The following PCM1 variants were observed in gnomAD, a reference collection of about 807,000 sequenced individuals.
PCM1 encodes pericentriolar material 1 protein.
A neutral mutation model predicts 241.9 loss-of-function variants in PCM1; 157 were observed. That is an observed-to-expected ratio of 0.65 (90% CI 0.57 to 0.74). The LOEUF (loss-of-function observed/expected upper bound fraction) is 0.74, where lower values mean the gene tolerates loss of function less well. Among genes scored for constraint, PCM1 ranks in the 30% least tolerant of loss-of-function variants. PCM1 has a pLI of 0.00. For missense variants in PCM1, 3,478 were observed against 2,360.1 expected, an observed-to-expected ratio of 1.47 and a Z score of -9.81; for synonymous variants, 1,085 against 784.9, an observed-to-expected ratio of 1.38 and a Z score of -6.39.
At chr8:17,972,724 A>T in intron 23 of PCM1, 37 bp downstream of exon 23, 1 of 1,302,720 alleles carries the variant, frequency 7.7e-7, no homozygotes, top group Non-Finnish European at 1.0e-6. Flanking sequence ...GATCAGTGTA[A>T]ATTTTGGTAA....
At chr8:17,931,801 A>C (rs183865111) in intron 2 of PCM1, among the ~76,000 whole-genome samples, 1 of 152,294 alleles carries the variant, frequency 6.6e-6, no homozygotes, top group East Asian at 1.9e-4. Flanking sequence ...CAGTAGTTGC[A>C]AAATGTTTTA....
At chr8:18,025,260 C>A in intron 36 of PCM1, 101 bp from the exon 37 acceptor site, 4 of 553,558 alleles carry the variant, frequency 7.2e-6, no homozygotes, top group Non-Finnish European at 1.3e-5. Context: ...TAGAAGAAAA[C>A]GAAATGTGAT....
chr8:18,009,645 T>C lies in PCM1; in HGVS notation c.5061T>C (p.Phe1687=). 1 of 1,588,214 alleles carries C rather than the reference T, an allele frequency of 6.3e-7. No homozygotes were observed. The highest frequency in any genetic ancestry group is 8.6e-7 in the Non-Finnish European group (1 of 1,167,454). The change falls in exon 31 of 39, where the codon TTT becomes TTC. Residue 1687 remains phenylalanine, a synonymous_variant. Coordinates refer to ENST00000325083, the MANE Select transcript of PCM1 (RefSeq NM_006197.4). ...SEVLFNELAF[F]KLMQDLDNNS... The stretch of plus-strand genomic sequence containing the variant: ...TGTTGTTCAATGAATTGGCTTTCTT[T>C]AAGCTTATGCAAGATTTGGATAATA...
intron 9 of PCM1, among the ~76,000 whole-genome samples, chr8:17,953,607 CTA>C (rs971048354): frequency 5.3e-5 from 8 of 152,028 alleles, no homozygotes; most frequent in Non-Finnish European, 1.2e-4. Context: ...AAAAACAAAA[CTA>C]TGAAAAACTT....
Position 17,960,119 on chromosome 8 carries a change from A to C in PCM1, c.2146A>C (p.Asn716His). The change falls in exon 14 of 39, where the codon AAT (asparagine) becomes CAT (histidine). Residue 716 changes from asparagine to histidine, a missense_variant. Transcript: ENST00000325083. ...TKQNSNNTRG[N>H]ANKTQKDTGV... ...GCAAAATTCAAATAACACTAGAGGA[A>C]ATGCCAATAAAACACAGAAAGATAC... 1 of 1,597,414 alleles carries C rather than the reference A, an allele frequency of 6.3e-7. No homozygotes were observed. Among genetic ancestry groups the C allele is most frequent in the East Asian group, 2.2e-5 (1 of 44,524 alleles).
chr8:17,959,456 A>G lies in PCM1; in HGVS notation c.2041-558A>G, dbSNP rs1241054597. Among the ~76,000 whole-genome samples, 5 of 152,132 alleles carry G rather than the reference A, an allele frequency of 3.3e-5. No homozygotes were observed. In the East Asian group the frequency reaches 7.7e-4, roughly 23 times the overall value. On this transcript the variant is annotated intron_variant, in intron 13 of 38. Coordinates refer to ENST00000325083, the MANE Select transcript of PCM1 (RefSeq NM_006197.4). Reference sequence around the variant, plus strand: ...TTCAATCTTTCGCTATTTAGAAACAATGCACCAAAGAATATACTTGCACAA... The same window carrying G: ...TTCAATCTTTCGCTATTTAGAAACAGTGCACCAAAGAATATACTTGCACAA...
chr8:17,941,634 CTATT>C (rs1279320601), intron 6 of PCM1, among the ~76,000 whole-genome samples: 1 of 151,714 alleles, frequency 6.6e-6, no homozygotes, highest in African/African-American at 2.4e-5. Context: ...ATATGCTACA[CTATT>C]TAATAAAGGA....
intron 16 of PCM1, among the ~76,000 whole-genome samples, chr8:17,962,745 CA>C (rs1458740808): frequency 1.3e-5 from 2 of 151,248 alleles, no homozygotes; most frequent in Admixed American, 1.3e-4. Flanking sequence ...CTAAAAAATA[CA>C]AAAAAAATTA....
chr8:17,937,005 G>A (rs1163028794), intron 3 of PCM1, 129 bp from the exon 4 acceptor site: 6 of 642,284 alleles, frequency 9.3e-6, no homozygotes, highest in Non-Finnish European at 1.6e-5. Context: ...TTTGTCTCTA[G>A]GAGTATAAGT....
Position 17,985,604 on chromosome 8 carries a change from T to C in PCM1, c.4266T>C (p.Ala1422=). Reference sequence around the variant, plus strand: ...ACACAGACTACTTGAGACAGAGGGCTTTATATGCATTGCAGGTATCTGGTA... The same window carrying C: ...ACACAGACTACTTGAGACAGAGGGCCTTATATGCATTGCAGGTATCTGGTA... The part of the protein sequence containing the change: ...LLNTDYLRQR[A]LYALQDIVSR... Residue 1422 remains alanine (A), a synonymous_variant, in exon 25 of 39, where the codon GCT becomes GCC. Transcript: ENST00000325083. The C allele has an allele frequency of 6.2e-7, 1 of 1,605,538 alleles. No individual in the cohort carries two copies. The highest frequency in any genetic ancestry group is 8.5e-7 in the Non-Finnish European group (1 of 1,175,234).
intron 23 of PCM1, among the ~76,000 whole-genome samples, chr8:17,973,860 T>G (rs2077714761): frequency 6.6e-6 from 1 of 152,202 alleles, no homozygotes; most frequent in South Asian, 2.1e-4. Context: ...TGAGAAATCC[T>G]GTAGTAAGAA....
At chr8:17,970,970 A>G (rs1030202627) in intron 22 of PCM1, among the ~76,000 whole-genome samples, 3 of 152,156 alleles carry the variant, frequency 2.0e-5, no homozygotes, top group Non-Finnish European at 4.4e-5. Flanking sequence ...AAAAGACTAG[A>G]TAGTATTTTA....
intron 4 of PCM1, 111 bp downstream of exon 4, chr8:17,937,490 A>C: frequency 2.0e-6 from 2 of 995,696 alleles, no homozygotes; most frequent in Non-Finnish European, 2.9e-6. Flanking sequence ...ATTTTTAAAA[A>C]AAGTTTCTGT....
intron 30 of PCM1, among the ~76,000 whole-genome samples, chr8:18,007,289 C>T (rs1340056999): frequency 6.6e-6 from 1 of 152,106 alleles, no homozygotes; most frequent in Admixed American, 6.5e-5. Flanking sequence ...TCACTATTAA[C>T]TTTTTTTAAA....
chr8:17,998,490 C>G (rs1353642782), intron 29 of PCM1, among the ~76,000 whole-genome samples: 1 of 152,156 alleles, frequency 6.6e-6, no homozygotes, highest in Non-Finnish European at 1.5e-5. Context: ...CTTCTGTTCT[C>G]TTCCTTTACT....
chr8:18,014,351 C>A (rs2092908253), intron 35 of PCM1, among the ~76,000 whole-genome samples: 1 of 151,630 alleles, frequency 6.6e-6, no homozygotes, highest in Non-Finnish European at 1.5e-5. Flanking sequence ...ACTGAAAGTC[C>A]TAATTTTTTA....
At chr8:17,941,784 G>T (rs1456527105) in intron 6 of PCM1, among the ~76,000 whole-genome samples, 2 of 152,026 alleles carry the variant, frequency 1.3e-5, no homozygotes, top group Non-Finnish European at 2.9e-5. Flanking sequence ...AGAATGACAG[G>T]GAACTGAGGC....
In PCM1 at chr8:17,991,701, G is replaced by A. The variant is rs1165729909; in HGVS notation, c.4690+1G>A. On this transcript the variant is annotated splice_donor_variant, in intron 28 of 38. Transcript: ENST00000325083. LOFTEE classifies it high-confidence loss of function. ...GGTACTACAGTTAATAATTTAGAAG[G>A]TATATATTTTTGTTTTCGGTAGGTT... The A allele has an allele frequency of 1.9e-6, 3 of 1,541,652 alleles. No individual in the cohort carries two copies. Among genetic ancestry groups the A allele is most frequent in the African/African-American group, 1.4e-5 (1 of 72,586 alleles).
chr8:17,973,487 G>A (rs918073280), intron 23 of PCM1, among the ~76,000 whole-genome samples: 3 of 152,110 alleles, frequency 2.0e-5, no homozygotes, highest in African/African-American at 7.2e-5. Context: ...GGGAGGCTGA[G>A]GCAGGTGGAT....
Sources: gnomAD v4.1 joint callset for allele counts (sites outside exome capture counted in the v4.1 genomes callset) on GRCh38, gnomAD v4.1.1 for gene constraint, MANE v1.5 for transcripts, NCBI Gene and HGNC (gene_info 2026-07-23, HGNC 2026-07-21) for gene names.